Variants in KIRREL3 observed in about 807,000 individuals in gnomAD.
The protein encoded by KIRREL3 is kirre like nephrin family adhesion molecule 3.
Under a neutral mutation model 89.7 loss-of-function variants are expected in KIRREL3, and 36 were observed. The observed-to-expected ratio is 0.40, with a 90% CI of 0.31 to 0.53. The LOEUF is 0.53. Ranked by LOEUF, KIRREL3 falls within the 20% of genes least tolerant of loss-of-function variation. The pLI, the probability that KIRREL3 is intolerant of heterozygous loss-of-function variation, is 0.49. For missense variants in KIRREL3, 864 were observed against 1,056.6 expected (o/e 0.82, Z 2.53); for synonymous variants, 445 against 441.4 (o/e 1.01, Z -0.10).
In KIRREL3 at chr11:126,653,707, G is replaced by A. The variant is rs1450095765; in HGVS notation, c.56-90795C>T. Among the ~76,000 whole-genome samples, 6 of 152,172 alleles carry A rather than the reference G, an allele frequency of 3.9e-5. No individual in the cohort carries two copies. The South Asian group carries it at 1.0e-3, about 26-fold the overall frequency. ...GGCAATGAGAAACGGGAGGGGCTGCGTGAGACATGGCAAGGCTGAGGCCAA... is the reference window on the plus strand; with the variant it reads ...GGCAATGAGAAACGGGAGGGGCTGCATGAGACATGGCAAGGCTGAGGCCAA... On this transcript the variant is annotated intron_variant, in intron 1 of 16. Transcript: ENST00000525144. This position sits in a 1 kb window ranked among gnomAD's most constrained non-coding sequence, Gnocchi z 5.4.
chr11:126,726,563 T>G (rs1366897591), intron 1 of KIRREL3, among the ~76,000 whole-genome samples: 1 of 152,184 alleles, frequency 6.6e-6, no homozygotes, highest in Non-Finnish European at 1.5e-5. Flanking sequence ...AGTTGGGGTT[T>G]CGCCATGTTG....
Position 126,724,525 on chromosome 11 carries a change from T to C in KIRREL3, c.56-161613A>G, listed in dbSNP as rs57158392. Among the ~76,000 whole-genome samples the C allele has an allele frequency of 0.075, 11,474 of 152,182 alleles. 668 individuals are homozygous for C. Among genetic ancestry groups the C allele is most frequent in the African/African-American group, 0.16 (6,748 of 41,524 alleles). On this transcript the variant is annotated intron_variant, in intron 1 of 16. Coordinates refer to ENST00000525144, the MANE Select transcript of KIRREL3 (RefSeq NM_032531.4). This position sits in a 1 kb window ranked among gnomAD's most constrained non-coding sequence, Gnocchi z 4.3. ...GGCAGGATCTGGGAGGGACTGCCCT[T>C]GAGATGGGTGGGCTCCATGAATTTC...
chr11:126,899,181 A>ATC (rs1221751096), intron 1 of KIRREL3, among the ~76,000 whole-genome samples: 2 of 152,208 alleles, frequency 1.3e-5, no homozygotes, highest in East Asian at 3.9e-4. Context: ...ATATATATAT[A>ATC]TATGTTTCTC....
rs1945410923 is a variant in KIRREL3, at chr11:126,879,379, T to C, written c.55+121076A>G. 6.6e-6 allele frequency among the ~76,000 whole-genome samples: 1 copy of C among 152,218 alleles called. No individual in the cohort carries two copies. The highest frequency in any genetic ancestry group is 2.1e-4 in the South Asian group (1 of 4,836). ...CACATCTGGAAATGTATGTTTCAAC[T>C]CTTTCTTTTTTGTGGCAGCCAGCTG... On this transcript the variant is annotated intron_variant, in intron 1 of 16. Transcript: ENST00000525144. This position sits in a 1 kb window ranked among gnomAD's most constrained non-coding sequence, Gnocchi z 5.4.
At position 126,490,396 on chromosome 11, in the gene KIRREL3, T is replaced by A. The variant is rs1591626101; in HGVS notation, c.434-16930A>T. 6.6e-6 allele frequency among the ~76,000 whole-genome samples: 1 copy of A among 152,268 alleles called. No individual in the cohort carries two copies. The highest frequency in any genetic ancestry group is 2.1e-4 in the South Asian group (1 of 4,830). On this transcript the variant is annotated intron_variant, in intron 4 of 16. Transcript: ENST00000525144. This position sits in a 1 kb window ranked among gnomAD's most constrained non-coding sequence, Gnocchi z 4.2. ...TGGCCCTGTCCGTGAGCCAGGTTAT[T>A]GGAAATAGACCATGTAGGCCTGTGT...
intron 6 of KIRREL3, among the ~76,000 whole-genome samples, chr11:126,460,445 A>G (rs1455459608): frequency 1.3e-5 from 2 of 152,184 alleles, no homozygotes; most frequent in African/African-American, 4.8e-5. Flanking sequence ...AAGGAGGTTA[A>G]CTAACCGGGT....
chr11:126,738,945 A>G (rs1948891889), intron 1 of KIRREL3, among the ~76,000 whole-genome samples: 1 of 152,218 alleles, frequency 6.6e-6, no homozygotes, highest in South Asian at 2.1e-4. Context: ...TGATCAAACT[A>G]TGATTTTTTT....
chr11:126,738,288 C>T (rs1403553781), intron 1 of KIRREL3, among the ~76,000 whole-genome samples: 1 of 152,164 alleles, frequency 6.6e-6, no homozygotes, highest in Non-Finnish European at 1.5e-5. Context: ...GCCCCCTCCA[C>T]CCCTGTCTTG....
intron 1 of KIRREL3, among the ~76,000 whole-genome samples, chr11:126,586,493 C>T (rs1941864896): frequency 6.6e-6 from 1 of 151,878 alleles, no homozygotes; most frequent in African/African-American, 2.4e-5. Flanking sequence ...CCTCTTTCTG[C>T]TTGTCATTAG....
At position 126,606,286 on chromosome 11, in the gene KIRREL3, G is replaced by C. The variant is rs1353980834; in HGVS notation, c.56-43374C>G. Among the ~76,000 whole-genome samples the C allele has an allele frequency of 2.0e-5, 3 of 152,136 alleles. No individual in the cohort carries two copies. Among genetic ancestry groups the C allele is most frequent in the Non-Finnish European group, 4.4e-5 (3 of 68,018 alleles). ...TTTATGAGAGTGGATCTGGAGTGTG[G>C]GTTTGGATTTCGGGTGTATCACTTA... On this transcript the variant is annotated intron_variant, in intron 1 of 16. Coordinates refer to ENST00000525144, the MANE Select transcript of KIRREL3 (RefSeq NM_032531.4). This position sits in a 1 kb window ranked among gnomAD's most constrained non-coding sequence, Gnocchi z 4.6.
chr11:126,692,955 C>G (rs910179723), intron 1 of KIRREL3, among the ~76,000 whole-genome samples: 13 of 152,238 alleles, frequency 8.5e-5, no homozygotes, highest in Admixed American at 8.5e-4. Context: ...TGCTTTGGCC[C>G]ATAGCCTGTG....
rs1013364849 is a variant in KIRREL3, at chr11:126,981,207, C to T, written c.55+19248G>A. Among the ~76,000 whole-genome samples the T allele has an allele frequency of 7.9e-5, 12 of 152,296 alleles. No individual in the cohort carries two copies. Among genetic ancestry groups the T allele is most frequent in the Admixed American group, 2.6e-4 (4 of 15,302 alleles). Reference sequence around the variant, plus strand: ...TAGACAAAAGAAGGAAAGCATGGCCCGTTGGACCACAGCAAGACCTTCTTA... The same window carrying T: ...TAGACAAAAGAAGGAAAGCATGGCCTGTTGGACCACAGCAAGACCTTCTTA... On this transcript the variant is annotated intron_variant, in intron 1 of 16. Transcript: ENST00000525144. The surrounding 1 kb of genome is among the most constrained non-coding windows in gnomAD (Gnocchi z 4.2).
chr11:126,843,813 A>G lies in KIRREL3; in HGVS notation c.55+156642T>C, dbSNP rs1029712142. ...ATGGCAACAAGAATGACCTCTGGTCATCCTCACTGCTACACTCCCACCCGT... is the reference window on the plus strand; with the variant it reads ...ATGGCAACAAGAATGACCTCTGGTCGTCCTCACTGCTACACTCCCACCCGT... On this transcript the variant is annotated intron_variant, in intron 1 of 16. Coordinates refer to ENST00000525144, the MANE Select transcript of KIRREL3 (RefSeq NM_032531.4). This position sits in a 1 kb window ranked among gnomAD's most constrained non-coding sequence, Gnocchi z 4.6. Among the ~76,000 whole-genome samples the G allele has an allele frequency of 6.6e-6, 1 of 152,190 alleles. No homozygotes were observed. The highest frequency in any genetic ancestry group is 2.4e-5 in the African/African-American group (1 of 41,444).
intron 1 of KIRREL3, among the ~76,000 whole-genome samples, chr11:126,581,652 A>ATT (rs34231665): frequency 6.6e-6 from 1 of 151,276 alleles, no homozygotes; most frequent in Admixed American, 6.6e-5. Flanking sequence ...CATATGTATC[A>ATT]TTTTTTTTTT....
Position 126,874,723 on chromosome 11 carries a change from C to T in KIRREL3, c.55+125732G>A, listed in dbSNP as rs887540756. Among the ~76,000 whole-genome samples, 24 of 152,138 alleles carry T rather than the reference C, an allele frequency of 1.6e-4. 1 individual carries two copies. Among genetic ancestry groups the T allele is most frequent in the Admixed American group, 1.3e-3 (20 of 15,272 alleles). On this transcript the variant is annotated intron_variant, in intron 1 of 16. Coordinates refer to ENST00000525144, the MANE Select transcript of KIRREL3 (RefSeq NM_032531.4). ...CAAATACTTAAACTGGCACACTTTC[C>T]TTTTGAGAGGGGAGGTTTTTAGAAT...
chr11:126,596,767 G>C (rs1376261643), intron 1 of KIRREL3, among the ~76,000 whole-genome samples: 2 of 152,184 alleles, frequency 1.3e-5, no homozygotes, highest in African/African-American at 4.8e-5. Flanking sequence ...TCCAGGAAGG[G>C]GGAATGAAAG....
intron 1 of KIRREL3, among the ~76,000 whole-genome samples, chr11:126,921,117 G>A (rs1947256852): frequency 6.6e-6 from 1 of 152,152 alleles, no homozygotes; most frequent in African/African-American, 2.4e-5. Context: ...CCTCTCCCCT[G>A]GAGGTGGGGC....
In KIRREL3 at chr11:126,490,675, T is replaced by G. The variant is rs1204366818; in HGVS notation, c.434-17209A>C. 6.6e-6 allele frequency among the ~76,000 whole-genome samples: 1 copy of G among 152,178 alleles called. No homozygotes were observed. The highest frequency in any genetic ancestry group is 6.5e-5 in the Admixed American group (1 of 15,276). On this transcript the variant is annotated intron_variant, in intron 4 of 16. Transcript: ENST00000525144. This position sits in a 1 kb window ranked among gnomAD's most constrained non-coding sequence, Gnocchi z 4.2. ...ATAATTCTGTGAAGGTTAGGAGAAG[T>G]TCCATGGGATGGCATTTGTGACGTC...
At chr11:127,001,838 A>G (rs1950321384), upstream of KIRREL3, among the ~76,000 whole-genome samples, 1 of 151,952 alleles carries the variant, frequency 6.6e-6, no homozygotes, top group African/African-American at 2.4e-5. Context: ...ACAAGATGCA[A>G]ACTCTAAGGA....
Sources: allele counts gnomAD v4.1 joint callset (sites outside exome capture counted in the v4.1 genomes callset), GRCh38; gene constraint gnomAD v4.1.1; non-coding constraint Gnocchi (gnomAD v3.1); transcripts MANE v1.5; gene names NCBI Gene and HGNC (gene_info 2026-07-23, HGNC 2026-07-21).